MAML3: variants seen among roughly 807,000 people sequenced by gnomAD.
The protein encoded by MAML3 is mastermind like transcriptional coactivator 3, also known as mastermind-like protein 3.
Under a neutral mutation model 101.9 loss-of-function variants are expected in MAML3, and 27 were observed. That is an observed-to-expected ratio of 0.27 (90% CI 0.20 to 0.37). The LOEUF (loss-of-function observed/expected upper bound fraction) is 0.37. MAML3 is among the 10% of genes least tolerant of loss of function. The probability of loss-of-function intolerance (pLI) is 1.00; values close to 1 mark genes in which losing one functional copy is unlikely to be tolerated. For synonymous variants in MAML3, 501 were observed against 555.9 expected (o/e 0.90, Z 1.39); for missense variants, 1,316 against 1,444.9 (o/e 0.91, Z 1.45).
intron 2 of MAML3, among the ~76,000 whole-genome samples, chr4:139,863,179 C>CCTT (rs1731819547): frequency 6.7e-6 from 1 of 150,146 alleles, no homozygotes; most frequent in Admixed American, 6.7e-5. Context: ...AATAGTAGTA[C>CCTT]CTTCATTACA....
chr4:139,991,046 A>C (rs1734662432), intron 1 of MAML3, among the ~76,000 whole-genome samples: 1 of 152,184 alleles, frequency 6.6e-6, no homozygotes, highest in Non-Finnish European at 1.5e-5. Context: ...AATTGGAAAA[A>C]ACTACTTTAA....
chr4:139,742,755 G>A (rs1292856904), intron 2 of MAML3, among the ~76,000 whole-genome samples: 2 of 152,226 alleles, frequency 1.3e-5, no homozygotes, highest in African/African-American at 2.4e-5. Context: ...TTCTTTATAC[G>A]TCTTGTGTTT....
intron 2 of MAML3, among the ~76,000 whole-genome samples, chr4:139,768,050 C>T (rs954022420): frequency 6.6e-6 from 1 of 152,156 alleles, no homozygotes; most frequent in Non-Finnish European, 1.5e-5. Context: ...GTTGGCCACT[C>T]ATATGTCTTC....
At chr4:140,092,062 T>TTATA (rs1167924085) in intron 1 of MAML3, among the ~76,000 whole-genome samples, 1 of 139,254 alleles carries the variant, frequency 7.2e-6, no homozygotes, top group African/African-American at 2.7e-5. Context: ...GATAAAAACT[T>TTATA]TATATATATA....
At chr4:139,934,412 T>C (rs970158850) in intron 1 of MAML3, among the ~76,000 whole-genome samples, 1 of 151,904 alleles carries the variant, frequency 6.6e-6, no homozygotes, top group Non-Finnish European at 1.5e-5. Context: ...AATGTGGCAA[T>C]TCTCTTCTCA....
chr4:139,863,707 T>C (rs1428892954), intron 2 of MAML3, among the ~76,000 whole-genome samples: 1 of 152,164 alleles, frequency 6.6e-6, no homozygotes, highest in Non-Finnish European at 1.5e-5. Flanking sequence ...ATGAAAGTGG[T>C]GATTGCTCAA....
chr4:139,810,920 G>A (rs1186439837), intron 2 of MAML3, among the ~76,000 whole-genome samples: 1 of 152,088 alleles, frequency 6.6e-6, no homozygotes, highest in Non-Finnish European at 1.5e-5. Context: ...AAGTATGCTG[G>A]GAATTTGTGA....
intron 3 of MAML3, among the ~76,000 whole-genome samples, chr4:139,728,777 C>T (rs2110982050): frequency 6.6e-6 from 1 of 152,340 alleles, no homozygotes; most frequent in Admixed American, 6.5e-5. Context: ...TGTCTCTTCT[C>T]ACACTCTTCC....
At chr4:139,846,999 G>A (rs1731463315) in intron 2 of MAML3, among the ~76,000 whole-genome samples, 1 of 152,132 alleles carries the variant, frequency 6.6e-6, no homozygotes, top group South Asian at 2.1e-4. Flanking sequence ...TTCACACTTA[G>A]GATTTTCCGA....
intron 1 of MAML3, among the ~76,000 whole-genome samples, chr4:139,931,951 G>A (rs555362406): frequency 5.9e-5 from 9 of 152,024 alleles, no homozygotes; most frequent in Non-Finnish European, 1.2e-4. Flanking sequence ...CCTGGGAGGC[G>A]GAGGTTGCAG....
intron 1 of MAML3, among the ~76,000 whole-genome samples, chr4:140,121,914 T>G (rs905608621): frequency 6.6e-6 from 1 of 152,116 alleles, no homozygotes; most frequent in Non-Finnish European, 1.5e-5. Context: ...TCCATGCTGT[T>G]CTTGTGATAG....
At chr4:140,067,202 T>G (rs1338366142) in intron 1 of MAML3, among the ~76,000 whole-genome samples, 18 of 84,822 alleles carry the variant, frequency 2.1e-4, no homozygotes, top group African/African-American at 3.6e-4. Context: ...ATTTTAGGGG[T>G]GTGTGTGTGT....
At chr4:140,103,687 T>C (rs1448080594) in intron 1 of MAML3, among the ~76,000 whole-genome samples, 1 of 152,240 alleles carries the variant, frequency 6.6e-6, no homozygotes, top group African/African-American at 2.4e-5. Flanking sequence ...TTTTTCTATG[T>C]GAATCATTCT....
At chr4:139,988,102 G>A (rs182480798) in intron 1 of MAML3, among the ~76,000 whole-genome samples, 35 of 150,010 alleles carry the variant, frequency 2.3e-4, no homozygotes, top group Admixed American at 1.0e-3. Flanking sequence ...CGAGGCGGGC[G>A]GATCACCTGA....
At chr4:139,892,849 T>C (rs914576746) in intron 1 of MAML3, among the ~76,000 whole-genome samples, 2 of 146,926 alleles carry the variant, frequency 1.4e-5, no homozygotes, top group East Asian at 4.0e-4. Context: ...GAGAATGGCA[T>C]GAACCCGGGA....
chr4:140,141,871 G>C lies in MAML3; in HGVS notation c.468+10989C>G, dbSNP rs372640629. On this transcript the variant is annotated intron_variant, in intron 1 of 4. Coordinates refer to ENST00000509479, the MANE Select transcript of MAML3 (RefSeq NM_018717.5). ...TCAGGGGCTATATTAAACCATATTA[G>C]ATTAAGAGATTTTCCCGCCAACTTT... 5.3e-4 allele frequency among the ~76,000 whole-genome samples: 81 copies of C among 152,260 alleles called. No individual in the cohort carries two copies. In the East Asian group the frequency reaches 0.011, roughly 20 times the overall value.
intron 1 of MAML3, among the ~76,000 whole-genome samples, chr4:140,082,661 G>A (rs563344386): frequency 1.3e-5 from 2 of 152,182 alleles, no homozygotes; most frequent in African/African-American, 2.4e-5. Context: ...GTTCACACGG[G>A]GCGGGCACAA....
At chr4:139,789,574 T>TG (rs1340414831) in intron 2 of MAML3, among the ~76,000 whole-genome samples, 1 of 152,124 alleles carries the variant, frequency 6.6e-6, no homozygotes, top group Non-Finnish European at 1.5e-5. Flanking sequence ...GGGGAAGGCC[T>TG]GGGTGGGGAC....
intron 1 of MAML3, among the ~76,000 whole-genome samples, chr4:139,944,906 C>A (rs1334991208): frequency 2.1e-5 from 3 of 144,318 alleles, no homozygotes; most frequent in African/African-American, 7.7e-5. Flanking sequence ...CCTCAGGGAT[C>A]TAGAACTGGA....
Sources: allele counts gnomAD v4.1 joint callset (sites outside exome capture counted in the v4.1 genomes callset), GRCh38; gene constraint gnomAD v4.1.1; transcripts MANE v1.5; gene names NCBI Gene and HGNC (gene_info 2026-07-23, HGNC 2026-07-21).